PPP2R2D: variants seen among roughly 807,000 people sequenced by gnomAD.
The protein encoded by PPP2R2D is protein phosphatase 2 regulatory subunit Bdelta, also known as serine/threonine-protein phosphatase 2A 55 kDa regulatory subunit B delta isoform.
A neutral mutation model predicts 31.1 loss-of-function variants in PPP2R2D; 9 were observed. The observed-to-expected ratio is 0.29, with a 90% CI of 0.17 to 0.51. The LOEUF is 0.51. PPP2R2D is among the 20% of genes least tolerant of loss of function. The pLI, the probability that PPP2R2D is intolerant of heterozygous loss-of-function variation, is 0.98. For missense variants in PPP2R2D, 391 were observed against 465.6 expected (o/e 0.84, Z 1.48); for synonymous variants, 179 against 172.6 (o/e 1.04, Z -0.29).
intron 8 of PPP2R2D, among the ~76,000 whole-genome samples, chr10:131,953,335 T>A (rs1462876645): frequency 1.5e-5 from 1 of 65,304 alleles, no homozygotes; most frequent in Non-Finnish European, 2.9e-5. Flanking sequence ...GGGTTCACTG[T>A]CTTAGTGACT....
At chr10:131,930,347 C>T (rs556803552) in intron 2 of PPP2R2D, among the ~76,000 whole-genome samples, 61 of 152,356 alleles carry the variant, frequency 4.0e-4, no homozygotes, top group Admixed American at 9.1e-4. Flanking sequence ...GCCTGCTGGC[C>T]GCCTGGCTCA....
intron 2 of PPP2R2D, among the ~76,000 whole-genome samples, chr10:131,902,689 A>G (rs2035520005): frequency 6.6e-6 from 1 of 152,228 alleles, no homozygotes; most frequent in Admixed American, 6.5e-5. Context: ...CAAGTAAAGC[A>G]AAACTTGTTT....
At position 131,957,416 on chromosome 10, in the gene PPP2R2D, G is replaced by T. The variant is rs1452092705; in HGVS notation, c.*1453G>T. 1 of 210,674 alleles carries T rather than the reference G, an allele frequency of 4.7e-6. No individual in the cohort carries two copies. The highest frequency in any genetic ancestry group is 2.4e-5 in the African/African-American group (1 of 41,730). The allele number at this position is 210,674 out of a possible 1,614,324, so 13.1% of individuals were successfully genotyped here. A position where few individuals can be genotyped will look rare whatever the true frequency, so the allele number is the denominator to read the frequency against. ...CGTGCCCCTGTGGAGATGGAGGTGT[G>T]TGCTGATCCCCCATCCCATCCCCCT... On this transcript the variant is annotated 3_prime_UTR_variant, in exon 9 of 9. Coordinates refer to ENST00000455566, the MANE Select transcript of PPP2R2D (RefSeq NM_018461.5).
chr10:131,961,831 GT>G (rs58049480), downstream of PPP2R2D, among the ~76,000 whole-genome samples: 86 of 147,586 alleles, frequency 5.8e-4, no homozygotes, highest in African/African-American at 9.4e-4. Flanking sequence ...GTCCTCCAGG[GT>G]TTTTTTTTTT....
chr10:131,906,986 C>T (rs938238060), intron 2 of PPP2R2D, among the ~76,000 whole-genome samples: 1 of 151,566 alleles, frequency 6.6e-6, no homozygotes, highest in East Asian at 1.9e-4. Flanking sequence ...TATATATAAT[C>T]TTTGAAATTA....
downstream of PPP2R2D, among the ~76,000 whole-genome samples, chr10:131,961,732 C>CA (rs1193117103): frequency 6.6e-6 from 1 of 152,208 alleles, no homozygotes; most frequent in Admixed American, 6.5e-5. Context: ...CTGGCGCCAG[C>CA]ACCCAGTCCC....
chr10:131,940,306 G>A, intron 4 of PPP2R2D, 110 bp downstream of exon 4: 1 of 568,574 alleles, frequency 1.8e-6, no homozygotes. Context: ...TAAATTTTGG[G>A]GGGAGGGTAA....
At chr10:131,966,658 C>T in the PPP2R2D span, 4 of 152,208 alleles carry the variant, frequency 2.6e-5, no homozygotes, top group African/African-American at 9.7e-5. Flanking sequence ...TCAAGGGATC[C>T]TCCTGCCTCA....
chr10:131,964,490 GACTCACT>G (rs1488543548), downstream of PPP2R2D, among the ~76,000 whole-genome samples: 2 of 151,902 alleles, frequency 1.3e-5, no homozygotes, highest in Non-Finnish European at 2.9e-5. Context: ...CTCAAACCGC[GACTCACT>G]GCTAACCCAA....
chr10:131,920,315 C>T (rs2035954403), intron 2 of PPP2R2D, among the ~76,000 whole-genome samples: 2 of 144,378 alleles, frequency 1.4e-5, no homozygotes, highest in African/African-American at 5.3e-5. Flanking sequence ...AGTGTAGGGA[C>T]CTCACGCGGG....
chr10:131,932,663 AAAAAAC>A (rs1194449997), intron 2 of PPP2R2D, among the ~76,000 whole-genome samples: 7 of 144,642 alleles, frequency 4.8e-5, no homozygotes, highest in African/African-American at 8.4e-5. Flanking sequence ...AAAAAAAAAA[AAAAAAC>A]ACACAAAAAA....
intron 2 of PPP2R2D, 71 bp from the exon 3 acceptor site, chr10:131,934,387 A>G: frequency 1.4e-6 from 1 of 711,110 alleles, no homozygotes; most frequent in South Asian, 1.5e-5. Context: ...GCTCTTTTTT[A>G]TTAATTTTTT....
At position 131,955,792 on chromosome 10, in the gene PPP2R2D, C is replaced by A; in HGVS notation, c.1191C>A (p.Ser397Arg). ...ASRESSKPRA[S>R]LKPRKVCTGG... is the part of the protein sequence containing the mutation. The stretch of plus-strand genomic sequence containing the variant: ...GAGAGAGCAGCAAACCGCGCGCCAG[C>A]CTCAAACCCCGGAAGGTGTGTACGG... Residue 397 changes from serine (S) to arginine (R), a missense_variant, in exon 9 of 9, where the codon AGC (serine) becomes AGA (arginine). Physicochemically the swap from Ser to Arg is moderately radical, Grantham distance 110. Around this residue, in one of 3 missense-constraint regions of PPP2R2D, gnomAD observed 163 missense variants for 179.5 expected, o/e 0.91. Coordinates refer to ENST00000455566, the MANE Select transcript of PPP2R2D (RefSeq NM_018461.5). 1.9e-6 allele frequency: 3 copies of A among 1,598,618 alleles called. No individual in the cohort carries two copies. Among genetic ancestry groups the A allele is most frequent in the Non-Finnish European group, 2.6e-6 (3 of 1,170,682 alleles).
downstream of PPP2R2D, among the ~76,000 whole-genome samples, chr10:131,962,895 TG>T (rs2036942569): frequency 6.6e-6 from 1 of 152,222 alleles, no homozygotes; most frequent in African/African-American, 2.4e-5. Context: ...CTAGGCATGG[TG>T]GCTCACGCCT....
chr10:131,917,836 A>G (rs1554893471), intron 2 of PPP2R2D, among the ~76,000 whole-genome samples: 2 of 107,992 alleles, frequency 1.9e-5, no homozygotes, highest in East Asian at 3.6e-4. Context: ...GGCGGGTGGA[A>G]TGACACAGTG....
At chr10:131,943,639 G>A (rs548977659) in intron 5 of PPP2R2D, among the ~76,000 whole-genome samples, 37 of 152,296 alleles carry the variant, frequency 2.4e-4, no homozygotes, top group African/African-American at 8.2e-4. Context: ...GCTGTCCAGC[G>A]CCTCAGTGTG....
intron 2 of PPP2R2D, among the ~76,000 whole-genome samples, chr10:131,928,915 T>C (rs1554895292): frequency 6.6e-6 from 1 of 152,150 alleles, no homozygotes; most frequent in Non-Finnish European, 1.5e-5. Context: ...TCTGATGCAT[T>C]CATATTTGAC....
At chr10:131,936,837 G>A (rs1589948910) in intron 3 of PPP2R2D, among the ~76,000 whole-genome samples, 1 of 152,292 alleles carries the variant, frequency 6.6e-6, no homozygotes, top group Middle Eastern at 3.4e-3. Context: ...CTTTTTCTTC[G>A]TATTTCGGTT....
At chr10:131,926,892 G>T (rs920634393) in intron 2 of PPP2R2D, among the ~76,000 whole-genome samples, 1 of 152,210 alleles carries the variant, frequency 6.6e-6, no homozygotes, top group South Asian at 2.1e-4. Context: ...AAACGAACTC[G>T]TTGCCAGAGT....
Sources: gnomAD v4.1 joint callset for allele counts (sites outside exome capture counted in the v4.1 genomes callset) on GRCh38, gnomAD v4.1.1 for gene constraint, gnomAD v4.1.1 regional missense constraint, MANE v1.5 for transcripts, NCBI Gene and HGNC (gene_info 2026-07-23, HGNC 2026-07-21) for gene names.